Variants in GYPE observed in about 807,000 individuals in gnomAD.
The protein encoded by GYPE is glycophorin-E.
A neutral mutation model predicts 11.6 loss-of-function variants in GYPE; 8 were observed. The observed-to-expected ratio is 0.69, with a 90% confidence interval of 0.41 to 1.25. The LOEUF (loss-of-function observed/expected upper bound fraction) is 1.25, where lower values mean the gene tolerates loss of function less well. Among genes scored for constraint, GYPE ranks in the 50% most tolerant of loss-of-function variants. GYPE has a pLI of 0.01. For synonymous variants in GYPE, 28 were observed against 29.6 expected, an observed-to-expected ratio of 0.94 and a Z score of 0.18; for missense variants, 90 against 92.8, an observed-to-expected ratio of 0.97 and a Z score of 0.12.
rs555617453 is a variant in GYPE, at chr4:143,898,158, C to T, written c.37+7313G>A. ...TTGGGAGGCCGAGGCAGGTGGATTG[C>T]CTGAGCTCAGGAGTTGGAGACCAGC... On this transcript the variant is annotated intron_variant, in intron 1 of 3. Coordinates refer to ENST00000358615, the MANE Select transcript of GYPE (RefSeq NM_198682.3). 2.7e-3 allele frequency among the ~76,000 whole-genome samples: 407 copies of T among 152,242 alleles called. 5 individuals are homozygous for T. Among genetic ancestry groups the T allele is most frequent in the Non-Finnish European group, 2.4e-3 (164 of 68,016 alleles).
At position 143,875,451 on chromosome 4, in the gene GYPE, A is replaced by G. The variant is rs1480661138; in HGVS notation, c.*9+1295T>C. ...GCAGCCAGTTTGCATAAGCAAGAGA[A>G]CAGCAGGTGCAGCTGGTTCTAGGCA... On this transcript the variant is annotated intron_variant, in intron 3 of 3. Transcript: ENST00000358615. 14 of 1,550,740 alleles carry G rather than the reference A, an allele frequency of 9.0e-6. No homozygotes were observed. The East Asian group carries it at 3.4e-4, about 38-fold the overall frequency.
In GYPE at chr4:143,876,767, G is replaced by GT. The variant is rs1743826431; in HGVS notation, c.224dup (p.Tyr75Ter). The change falls in exon 3 of 4, where the codon TAC becomes TAAC. Residue 75 changes from tyrosine to a stop codon, truncating the protein, a stop_gained and frameshift_variant. Coordinates refer to ENST00000358615, the MANE Select transcript of GYPE (RefSeq NM_198682.3). LOFTEE classifies it high-confidence loss of function. ...VVVGMIILIS[Y>*]CIR ...TCACCTTTATCAGTCATCGAATACAGTAAGAAATTAAGATGATCATTCCAA... is the reference window on the plus strand; with the variant it reads ...TCACCTTTATCAGTCATCGAATACAGTTAAGAAATTAAGATGATCATTCCAA... 6.3e-7 allele frequency: 1 copy of GT among 1,594,408 alleles called. No individual in the cohort carries two copies. The highest frequency in any genetic ancestry group is 1.3e-5 in the African/African-American group (1 of 74,412).
intron 2 of GYPE, among the ~76,000 whole-genome samples, chr4:143,877,634 T>C (rs1743865872): frequency 6.6e-6 from 1 of 151,910 alleles, no homozygotes; most frequent in South Asian, 2.1e-4. Context: ...TATTTAAAAG[T>C]CCTATTATTG....
At chr4:143,878,287 T>A (rs1455552667) in intron 2 of GYPE, among the ~76,000 whole-genome samples, 1 of 152,104 alleles carries the variant, frequency 6.6e-6, no homozygotes, top group Non-Finnish European at 1.5e-5. Flanking sequence ...TATAGGTGCA[T>A]GCCCCATCCC....
At chr4:143,872,849 T>G (rs1743664359) in intron 3 of GYPE, among the ~76,000 whole-genome samples, 1 of 145,176 alleles carries the variant, frequency 6.9e-6, no homozygotes, top group Non-Finnish European at 1.5e-5. Context: ...GTTCAGTGGT[T>G]GCAACCAAAT....
chr4:143,895,489 G>C (rs1298813564), intron 1 of GYPE, among the ~76,000 whole-genome samples: 1 of 149,810 alleles, frequency 6.7e-6, no homozygotes, highest in Non-Finnish European at 1.5e-5. Context: ...ACAAACCACT[G>C]CTCAATGAAA....
chr4:143,898,275 G>T (rs1473597546), intron 1 of GYPE, among the ~76,000 whole-genome samples: 2 of 152,178 alleles, frequency 1.3e-5, no homozygotes, highest in Non-Finnish European at 2.9e-5. Flanking sequence ...TACTTGGGAG[G>T]CTGAGGCAGG....
intron 3 of GYPE, 126 bp downstream of exon 3, chr4:143,876,620 A>T (rs1163334392): frequency 1.6e-6 from 1 of 629,600 alleles, no homozygotes; most frequent in East Asian, 2.9e-5. Context: ...CTATGTGTCC[A>T]GTTGAAAAAG....
chr4:143,873,725 T>C (rs1480507036), intron 3 of GYPE, among the ~76,000 whole-genome samples: 1 of 152,176 alleles, frequency 6.6e-6, no homozygotes, highest in African/African-American at 2.4e-5. Flanking sequence ...AGAAATGGTA[T>C]ATTCTTCACT....
chr4:143,873,525 C>A (rs1393891970), intron 3 of GYPE: 1 of 450,812 alleles, frequency 2.2e-6, no homozygotes, highest in Admixed American at 2.4e-5. Flanking sequence ...CTATGAGTAA[C>A]TTAAGTGGAG....
Position 143,880,466 on chromosome 4 carries a change from C to T in GYPE, c.81G>A (p.Met27Ile). 1.2e-6 allele frequency: 2 copies of T among 1,613,998 alleles called. No homozygotes were observed. Among genetic ancestry groups the T allele is most frequent in the Non-Finnish European group, 1.7e-6 (2 of 1,179,858 alleles). ...TGACTGAAGAAGAGGTTGAAGTGTG[C>T]ATTGCCACACCAGTGGTACTTGATG... is the stretch of plus-strand genomic sequence containing the variant. ...ISASSTTGVA[M>I]HTSTSSSVTK... The change falls in exon 2 of 4, where the codon ATG becomes ATA. Residue 27 changes from methionine to isoleucine, a missense_variant. By Grantham distance (10) the Met-to-Ile change is conservative. Transcript: ENST00000358615.
At chr4:143,879,073 G>A (rs1210912007) in intron 2 of GYPE, among the ~76,000 whole-genome samples, 4 of 152,136 alleles carry the variant, frequency 2.6e-5, no homozygotes, top group African/African-American at 4.8e-5. Flanking sequence ...CATGCAAAGA[G>A]GGATCATGCG....
intron 1 of GYPE, among the ~76,000 whole-genome samples, chr4:143,897,248 G>C (rs896025635): frequency 1.3e-4 from 20 of 152,096 alleles, no homozygotes; most frequent in Non-Finnish European, 2.4e-4. Flanking sequence ...AGGATTGCTT[G>C]AGGCCAGGAG....
intron 2 of GYPE, among the ~76,000 whole-genome samples, chr4:143,879,750 G>A (rs532099999): frequency 1.3e-5 from 2 of 152,286 alleles, no homozygotes; most frequent in East Asian, 1.9e-4. Flanking sequence ...AGGTGACTGC[G>A]TGGACATAAA....
intron 1 of GYPE, among the ~76,000 whole-genome samples, chr4:143,881,339 A>C (rs1744015617): frequency 6.6e-6 from 1 of 152,064 alleles, no homozygotes; most frequent in African/African-American, 2.4e-5. Flanking sequence ...TTTATAAGTT[A>C]TTTTATAAAA....
intron 1 of GYPE, among the ~76,000 whole-genome samples, chr4:143,884,023 T>G (rs1744155509): frequency 6.6e-6 from 1 of 152,038 alleles, no homozygotes; most frequent in African/African-American, 2.4e-5. Flanking sequence ...GGTGCTGCAA[T>G]TTTCTTTGTG....
chr4:143,876,293 TTG>T (rs1485778346), intron 3 of GYPE, among the ~76,000 whole-genome samples: 1 of 152,078 alleles, frequency 6.6e-6, no homozygotes, highest in Non-Finnish European at 1.5e-5. Context: ...TTCATATTTT[TTG>T]TATAGACTAG....
chr4:143,882,473 T>G (rs1437387118), intron 1 of GYPE, among the ~76,000 whole-genome samples: 3 of 152,208 alleles, frequency 2.0e-5, no homozygotes, highest in African/African-American at 7.2e-5. Context: ...TATTGTATTT[T>G]TGAAAAGGCA....
At chr4:143,884,106 C>CCCTT (rs1744159514) in intron 1 of GYPE, among the ~76,000 whole-genome samples, 1 of 139,794 alleles carries the variant, frequency 7.2e-6, no homozygotes, top group Non-Finnish European at 1.6e-5. Flanking sequence ...TCCCTTCCCT[C>CCCTT]TTGGGGCTCC....
Sources: allele counts gnomAD v4.1 joint callset (sites outside exome capture counted in the v4.1 genomes callset), GRCh38; gene constraint gnomAD v4.1.1; transcripts MANE v1.5; gene names NCBI Gene and HGNC (gene_info 2026-07-23, HGNC 2026-07-21).